Variants in CCDC171 observed in about 807,000 individuals in gnomAD.
CCDC171 encodes the protein coiled-coil domain-containing protein 171.
Under a neutral mutation model 168.2 loss-of-function variants are expected in CCDC171, and 177 were observed. The observed-to-expected ratio is 1.05, with a 90% CI of 0.93 to 1.19. CCDC171 has a LOEUF of 1.19. Among genes scored for constraint, CCDC171 ranks in the 50% most tolerant of loss-of-function variants. The pLI is 0.00. For missense variants in CCDC171, 1,991 were observed against 1,539.0 expected, an observed-to-expected ratio of 1.29 and a Z score of -4.91; for synonymous variants, 687 against 540.8, an observed-to-expected ratio of 1.27 and a Z score of -3.75.
intron 23 of CCDC171, among the ~76,000 whole-genome samples, chr9:15,856,205 C>CG (rs1281897108): frequency 2.0e-5 from 3 of 151,838 alleles, no homozygotes; most frequent in Non-Finnish European, 4.4e-5. Context: ...TAAGATCTAG[C>CG]CTCTTAATGG....
chr9:15,721,067 T>C (rs151205401), intron 11 of CCDC171, among the ~76,000 whole-genome samples: 111 of 152,338 alleles, frequency 7.3e-4, no homozygotes, highest in African/African-American at 2.6e-3. Flanking sequence ...ACATAATTTA[T>C]GGCCCAACTA....
chr9:16,087,801 G>T, the CCDC171 span, among the ~76,000 whole-genome samples: 8 of 151,946 alleles, frequency 5.3e-5, no homozygotes, highest in Admixed American at 3.3e-4. Context: ...ATGCTAGCTG[G>T]TTATTTTGCC....
chr9:15,796,699 A>T (rs1029069386), intron 21 of CCDC171, among the ~76,000 whole-genome samples: 1 of 152,164 alleles, frequency 6.6e-6, no homozygotes, highest in African/African-American at 2.4e-5. Context: ...CCTGGCAAGT[A>T]TGCCCTCAGG....
Position 15,721,802 on chromosome 9 carries a change from T to A in CCDC171, c.1352T>A (p.Phe451Tyr). 2 of 1,563,242 alleles carry A rather than the reference T, an allele frequency of 1.3e-6. No individual in the cohort carries two copies. The highest frequency in any genetic ancestry group is 1.7e-6 in the Non-Finnish European group (2 of 1,154,172). ...IHKDKDKPPS[F>Y]SVVLERLRRT... is the part of the protein sequence containing the mutation. ...AAGGACAAAGATAAACCTCCCAGCTTCTCTGTTGTCCTTGAGAGATTGAGG... is the reference window on the plus strand; with the variant it reads ...AAGGACAAAGATAAACCTCCCAGCTACTCTGTTGTCCTTGAGAGATTGAGG... The change falls in exon 12 of 26, where the codon TTC becomes TAC. Residue 451 changes from phenylalanine to tyrosine, a missense_variant. Physicochemically the swap from Phe to Tyr is conservative, Grantham distance 22. Coordinates refer to ENST00000380701, the MANE Select transcript of CCDC171 (RefSeq NM_173550.4).
intron 1 of CCDC171, among the ~76,000 whole-genome samples, chr9:16,059,350 C>T (rs922320530): frequency 4.6e-5 from 7 of 152,118 alleles, no homozygotes; most frequent in African/African-American, 9.7e-5. Flanking sequence ...TTAGAAACTA[C>T]GGCCCAATTA....
At chr9:15,644,863 A>G (rs948926480) in intron 7 of CCDC171, among the ~76,000 whole-genome samples, 4 of 152,234 alleles carry the variant, frequency 2.6e-5, no homozygotes, top group Middle Eastern at 3.2e-3. Flanking sequence ...GCAGACTTAA[A>G]TGTCCCTGTC....
intron 10 of CCDC171, among the ~76,000 whole-genome samples, chr9:15,685,298 G>C (rs1409885494): frequency 1.3e-5 from 2 of 152,132 alleles, no homozygotes; most frequent in Non-Finnish European, 2.9e-5. Context: ...TTAAAAGGTT[G>C]TTAAGAGAAC....
chr9:15,691,313 A>G (rs1490752657), intron 10 of CCDC171, among the ~76,000 whole-genome samples: 1 of 151,862 alleles, frequency 6.6e-6, no homozygotes, highest in Non-Finnish European at 1.5e-5. Context: ...CTATGAGTGG[A>G]AAAGAAAGTA....
chr9:15,928,140 G>A lies in CCDC171; in HGVS notation c.3753+7718G>A, dbSNP rs116965899. ...TGCTTTCCGATGAGACTGCAATGTG[G>A]AATAAGACAAATCTTTACCATCATG... is the stretch of plus-strand genomic sequence containing the variant. On this transcript the variant is annotated intron_variant, in intron 25 of 25. Transcript: ENST00000380701. Among the ~76,000 whole-genome samples the A allele has an allele frequency of 6.3e-3, 961 of 151,726 alleles. 12 individuals carry two copies. Among genetic ancestry groups the A allele is most frequent in the Middle Eastern group, 0.027 (8 of 294 alleles).
At chr9:15,788,706 C>T (rs774367614) in intron 21 of CCDC171, among the ~76,000 whole-genome samples, 6 of 151,808 alleles carry the variant, frequency 4.0e-5, no homozygotes, top group African/African-American at 1.2e-4. Context: ...CATGCCACCA[C>T]ACCCTGCTAA....
At chr9:15,697,252 A>G (rs1047132902) in intron 11 of CCDC171, among the ~76,000 whole-genome samples, 2 of 152,150 alleles carry the variant, frequency 1.3e-5, no homozygotes, top group Non-Finnish European at 2.9e-5. Flanking sequence ...GCCCTCTTTC[A>G]TGGCTGTGGC....
rs141505899 is a variant in CCDC171 at position 15,817,392 on chromosome 9, G to A, written c.3268-29310G>A. On this transcript the variant is annotated intron_variant, in intron 21 of 25. Transcript: ENST00000380701. Reference sequence around the variant, plus strand: ...CAGCAAGCATGAGCCGAAGCAGGGCGAGGCATTGCGTCACCCGGGAAGCAC... The same window carrying A: ...CAGCAAGCATGAGCCGAAGCAGGGCAAGGCATTGCGTCACCCGGGAAGCAC... 1.4e-4 allele frequency among the ~76,000 whole-genome samples: 16 copies of A among 118,142 alleles called. 4 individuals carry two copies. Among genetic ancestry groups the A allele is most frequent in the African/African-American group, 4.8e-4 (15 of 31,568 alleles). 77.5% of individuals were successfully genotyped at this position (118,142 alleles called of 152,430 possible). A position where few individuals can be genotyped will look rare whatever the true frequency, so the allele number is the denominator to read the frequency against.
intron 1 of CCDC171, among the ~76,000 whole-genome samples, chr9:15,557,098 A>G (rs1377007356): frequency 6.6e-6 from 1 of 152,102 alleles, no homozygotes. Context: ...CCATTGGTCT[A>G]TATATCTGTT....
In CCDC171 at chr9:15,648,966, C is replaced by T. The variant is rs921370178; in HGVS notation, c.823-8161C>T. ...ACAATCCTAAGCCGAAAGAACAAAG[C>T]TAGAGGCATCATGCTACCTGACTTC... On this transcript the variant is annotated intron_variant, in intron 7 of 25. Transcript: ENST00000380701. Among the ~76,000 whole-genome samples the T allele has an allele frequency of 1.3e-5, 2 of 152,132 alleles. 1 individual carries two copies. The highest frequency in any genetic ancestry group is 4.1e-4 in the South Asian group (2 of 4,826).
At chr9:15,659,261 C>T (rs780773435) in intron 8 of CCDC171, among the ~76,000 whole-genome samples, 16 of 152,094 alleles carry the variant, frequency 1.1e-4, no homozygotes, top group Non-Finnish European at 1.9e-4. Context: ...GCCAGTTTCC[C>T]AGGTGTTAGG....
At chr9:16,102,467 C>A in the CCDC171 span, among the ~76,000 whole-genome samples, 1 of 112,090 alleles carries the variant, frequency 8.9e-6, no homozygotes, top group East Asian at 2.9e-4. Context: ...AGATGCATTT[C>A]ATGTAAGGAT....
At chr9:15,947,688 C>T (rs949375944) in intron 25 of CCDC171, among the ~76,000 whole-genome samples, 1 of 151,978 alleles carries the variant, frequency 6.6e-6, no homozygotes, top group African/African-American at 2.4e-5. Context: ...AATATCTCTT[C>T]AAGACCCTAC....
At chr9:15,803,289 T>C (rs1401789525) in intron 21 of CCDC171, among the ~76,000 whole-genome samples, 1 of 152,192 alleles carries the variant, frequency 6.6e-6, no homozygotes, top group Non-Finnish European at 1.5e-5. Flanking sequence ...AATTTTGCTT[T>C]TGTTGCAATT....
rs192518415 is a variant in CCDC171, at chr9:15,773,737, A to T, written c.2672-3863A>T. Among the ~76,000 whole-genome samples, 124 of 152,206 alleles carry T rather than the reference A, an allele frequency of 8.1e-4. 1 individual carries two copies. The highest frequency in any genetic ancestry group is 2.9e-3 in the African/African-American group (122 of 41,542). On this transcript the variant is annotated intron_variant, in intron 18 of 25. Transcript: ENST00000380701. ...TGTTTTTTCATTTATTTAATATAGAATGAATTGCACTCTGACCCAAAAGAA... is the reference window on the plus strand; with the variant it reads ...TGTTTTTTCATTTATTTAATATAGATTGAATTGCACTCTGACCCAAAAGAA...
Sources: allele counts gnomAD v4.1 joint callset (sites outside exome capture counted in the v4.1 genomes callset), GRCh38; gene constraint gnomAD v4.1.1; transcripts MANE v1.5; gene names NCBI Gene and HGNC (gene_info 2026-07-23, HGNC 2026-07-21).